MAP2K5: variants seen among roughly 807,000 people sequenced by gnomAD.
MAP2K5 encodes the protein mitogen-activated protein kinase kinase 5.
In MAP2K5, 49 loss-of-function variants were observed where a neutral mutation model predicts 83.1. That is an observed-to-expected ratio of 0.59 (90% confidence interval 0.47 to 0.75). The LOEUF is 0.75. MAP2K5 is among the 30% of genes least tolerant of loss of function. The pLI is 0.00. For synonymous variants in MAP2K5, 202 were observed against 191.8 expected, an observed-to-expected ratio of 1.05 and a Z score of -0.44; for missense variants, 457 against 557.5, an observed-to-expected ratio of 0.82 and a Z score of 1.82.
chr15:67,727,792 A>G lies in MAP2K5; in HGVS notation c.1045-124A>G, dbSNP rs946619736. 5 of 780,910 alleles carry G rather than the reference A, an allele frequency of 6.4e-6. No homozygotes were observed. The African/African-American group carries it at 8.5e-5, about 13-fold the overall frequency. 48.4% of individuals were successfully genotyped at this position (780,910 alleles called of 1,614,324 possible). A position where few individuals can be genotyped will look rare whatever the true frequency, so the allele number is the denominator to read the frequency against. ...ATTACAGCAATAATTTAGTTTGTAC[A>G]TTCAAGGTTGTGAACTTTTTTATAT... On this transcript the variant is annotated intron_variant, in intron 16 of 21. Transcript: ENST00000178640.
chr15:67,658,359 A>G (rs1347069300), intron 11 of MAP2K5, among the ~76,000 whole-genome samples, 194 bp from the exon 12 acceptor site: 3 of 152,158 alleles, frequency 2.0e-5, no homozygotes, highest in Admixed American at 6.6e-5. Context: ...AATAAAATGG[A>G]AATATCTAGT....
chr15:67,727,582 T>C (rs1030260560), intron 16 of MAP2K5, among the ~76,000 whole-genome samples: 2 of 151,896 alleles, frequency 1.3e-5, no homozygotes, highest in African/African-American at 4.8e-5. Flanking sequence ...AAGCAAAGAG[T>C]TTTTACATCT....
intron 13 of MAP2K5, among the ~76,000 whole-genome samples, chr15:67,667,061 C>T (rs1049461235): frequency 2.5e-4 from 38 of 152,132 alleles, no homozygotes; most frequent in African/African-American, 8.2e-4. Flanking sequence ...TTTACTGAAG[C>T]GTCAAAGAAG....
chr15:67,615,223 C>G (rs1360557743), intron 8 of MAP2K5, among the ~76,000 whole-genome samples: 2 of 152,148 alleles, frequency 1.3e-5, no homozygotes, highest in Non-Finnish European at 2.9e-5. Context: ...ATCTCGAACT[C>G]CTGACCTCAG....
chr15:67,759,208 G>C lies in MAP2K5; in HGVS notation c.1135-10394G>C, dbSNP rs188255782. ...GGGGTATGAAAATAGCCGGTGCTGG[G>C]GGGTGGGGGATGCTGATGGCAAGAA... On this transcript the variant is annotated intron_variant, in intron 19 of 21. Coordinates refer to ENST00000178640, the MANE Select transcript of MAP2K5 (RefSeq NM_145160.3). Among the ~76,000 whole-genome samples the C allele has an allele frequency of 7.9e-5, 12 of 152,264 alleles. No individual in the cohort carries two copies. In the East Asian group the frequency reaches 2.1e-3, roughly 27 times the overall value.
At chr15:67,709,082 G>A (rs1200635616) in intron 16 of MAP2K5, among the ~76,000 whole-genome samples, 1 of 152,268 alleles carries the variant, frequency 6.6e-6, no homozygotes, top group Non-Finnish European at 1.5e-5. Context: ...GAAGAATTTG[G>A]CCTGTTTCTC....
chr15:67,628,908 G>A, intron 8 of MAP2K5: 1 of 751,524 alleles, frequency 1.3e-6, no homozygotes, highest in Non-Finnish European at 2.4e-6. Context: ...TGGCTATAAT[G>A]GATTTAGTAA....
At position 67,775,337 on chromosome 15, in the gene MAP2K5, G is replaced by A. The variant is rs2141309150; in HGVS notation, c.1242+2585G>A. On this transcript the variant is annotated intron_variant, in intron 21 of 21. Coordinates refer to ENST00000178640, the MANE Select transcript of MAP2K5 (RefSeq NM_145160.3). The surrounding 1 kb of genome is among the most constrained non-coding windows in gnomAD (Gnocchi z 5.3). ...TTCGGTCTTTATATCCTAAGTGGAA[G>A]TATTTTAAAGTTGGACCAAGAAATT... Among the ~76,000 whole-genome samples, 1 of 152,314 alleles carries A rather than the reference G, an allele frequency of 6.6e-6. No homozygotes were observed. The highest frequency in any genetic ancestry group is 1.9e-4 in the East Asian group (1 of 5,190).
rs1432798577 is a variant in MAP2K5, at chr15:67,746,904, C to G, written c.1075-1327C>G. ...CATGGATGCAAAAGAAATGCATAAA[C>G]ATAGCTGCAGCTCTTGAGAAACTCA... On this transcript the variant is annotated intron_variant, in intron 17 of 21. Coordinates refer to ENST00000178640, the MANE Select transcript of MAP2K5 (RefSeq NM_145160.3). This position sits in a 1 kb window ranked among gnomAD's most constrained non-coding sequence, Gnocchi z 4.1. Among the ~76,000 whole-genome samples, 2 of 152,224 alleles carry G rather than the reference C, an allele frequency of 1.3e-5. No homozygotes were observed. The highest frequency in any genetic ancestry group is 2.9e-5 in the Non-Finnish European group (2 of 68,042).
At chr15:67,650,529 T>TTA (rs1555536664) in intron 11 of MAP2K5, among the ~76,000 whole-genome samples, 6 of 151,254 alleles carry the variant, frequency 4.0e-5, no homozygotes, top group East Asian at 1.9e-4. Flanking sequence ...TTTTTTTTTT[T>TTA]AATTATGAAA....
rs76595566 is a variant in MAP2K5 at position 67,681,310 on chromosome 15, G to A, written c.848-11169G>A. On this transcript the variant is annotated intron_variant, in intron 13 of 21. Transcript: ENST00000178640. ...TTCAGGATTGTTATGAGAATTAAGT[G>A]AAATTGTGTGCTCAACACTGAGCAT... 4.5e-4 allele frequency among the ~76,000 whole-genome samples: 68 copies of A among 152,318 alleles called. No homozygotes were observed. In the East Asian group the frequency reaches 0.012, roughly 26 times the overall value.
chr15:67,743,074 G>A (rs2089530077), intron 17 of MAP2K5, among the ~76,000 whole-genome samples: 1 of 152,222 alleles, frequency 6.6e-6, no homozygotes, highest in Admixed American at 6.5e-5. Context: ...TCCCATCAGA[G>A]CTGTGCCCTC....
At chr15:67,772,784 C>A (rs1481358987) in intron 21 of MAP2K5, 32 bp downstream of exon 21, 1 of 1,546,586 alleles carries the variant, frequency 6.5e-7, no homozygotes, top group Non-Finnish European at 8.8e-7. Context: ...CATTAGAATT[C>A]TCAGTTATAT....
At chr15:67,705,723 C>T (rs1384798427) in intron 16 of MAP2K5, among the ~76,000 whole-genome samples, 1 of 151,130 alleles carries the variant, frequency 6.6e-6, no homozygotes, top group Non-Finnish European at 1.5e-5. Context: ...GTAACAAGAG[C>T]GAAACTCCAT....
chr15:67,774,425 A>T lies in MAP2K5; in HGVS notation c.1242+1673A>T, dbSNP rs1304287732. Among the ~76,000 whole-genome samples the T allele has an allele frequency of 2.0e-5, 3 of 152,154 alleles. No individual in the cohort carries two copies. The East Asian group carries it at 5.8e-4, about 29-fold the overall frequency. On this transcript the variant is annotated intron_variant, in intron 21 of 21. Transcript: ENST00000178640. The surrounding 1 kb of genome is among the most constrained non-coding windows in gnomAD (Gnocchi z 4.9). ...AGAGGTATAGCAGTGGTGAGGCACC[A>T]CTGCTTTGGCAGGGCTCAGTGAGGA...
rs1471874086 is a variant in MAP2K5, at chr15:67,778,174, G to C, written c.1242+5422G>C. Among the ~76,000 whole-genome samples, 1 of 152,204 alleles carries C rather than the reference G, an allele frequency of 6.6e-6. No homozygotes were observed. Among genetic ancestry groups the C allele is most frequent in the African/African-American group, 2.4e-5 (1 of 41,446 alleles). On this transcript the variant is annotated intron_variant, in intron 21 of 21. Coordinates refer to ENST00000178640, the MANE Select transcript of MAP2K5 (RefSeq NM_145160.3). This position sits in a 1 kb window ranked among gnomAD's most constrained non-coding sequence, Gnocchi z 5.0. Reference sequence around the variant, plus strand: ...AACATTTAATTACTTACTAAGAGATGTTAACTTGTTTAACTCCTCTAAATT... The same window carrying C: ...AACATTTAATTACTTACTAAGAGATCTTAACTTGTTTAACTCCTCTAAATT...
chr15:67,603,190 G>A (rs557846648), intron 8 of MAP2K5, among the ~76,000 whole-genome samples: 1 of 152,126 alleles, frequency 6.6e-6, no homozygotes, highest in Non-Finnish European at 1.5e-5. Flanking sequence ...AGAACTCTTC[G>A]TCTTGTGTAA....
At chr15:67,622,379 A>G (rs1284391960) in intron 8 of MAP2K5, among the ~76,000 whole-genome samples, 1 of 152,296 alleles carries the variant, frequency 6.6e-6, no homozygotes, top group East Asian at 1.9e-4. Context: ...TGGAAGAAGC[A>G]GAGATCAGTG....
chr15:67,729,040 T>C (rs1407084089), intron 17 of MAP2K5, among the ~76,000 whole-genome samples: 2 of 152,190 alleles, frequency 1.3e-5, no homozygotes, highest in Non-Finnish European at 2.9e-5. Context: ...TAGTCTCACT[T>C]TTCAAATTCA....
Sources: allele counts gnomAD v4.1 joint callset (sites outside exome capture counted in the v4.1 genomes callset), GRCh38; gene constraint gnomAD v4.1.1; non-coding constraint Gnocchi (gnomAD v3.1); transcripts MANE v1.5; gene names NCBI Gene and HGNC (gene_info 2026-07-23, HGNC 2026-07-21).